Variants in PRKCB observed in about 807,000 individuals in gnomAD.
The protein encoded by PRKCB is protein kinase C beta type.
A neutral mutation model predicts 81.5 loss-of-function variants in PRKCB; 13 were observed. That is an observed-to-expected ratio of 0.16 (90% CI 0.10 to 0.25). PRKCB has a LOEUF of 0.25. PRKCB is among the 10% of genes least tolerant of loss of function. PRKCB has a pLI of 1.00. For synonymous variants in PRKCB, 335 were observed against 321.4 expected (o/e 1.04, Z -0.45); for missense variants, 509 against 875.7 (o/e 0.58, Z 5.29).
chr16:24,085,559 G>A (rs1966301735), intron 5 of PRKCB, among the ~76,000 whole-genome samples: 1 of 152,166 alleles, frequency 6.6e-6, no homozygotes, highest in South Asian at 2.1e-4. Context: ...AGAGTGAGAG[G>A]ACAACAGTTC....
intron 5 of PRKCB, among the ~76,000 whole-genome samples, chr16:24,077,206 C>T (rs751943679): frequency 2.4e-4 from 36 of 151,960 alleles, no homozygotes; most frequent in Non-Finnish European, 3.8e-4. Flanking sequence ...GTCTGTGTGT[C>T]TACGGTGGTG....
At chr16:23,879,196 T>C (rs1251496309) in intron 2 of PRKCB, among the ~76,000 whole-genome samples, 1 of 148,000 alleles carries the variant, frequency 6.8e-6, no homozygotes, top group South Asian at 2.1e-4. Context: ...AAAGAGGCAG[T>C]GTAGTGGTTG....
chr16:23,962,700 A>C (rs950964431), intron 2 of PRKCB, among the ~76,000 whole-genome samples: 1 of 151,754 alleles, frequency 6.6e-6, no homozygotes, highest in Non-Finnish European at 1.5e-5. Context: ...CAGCCTGACA[A>C]TTGAGTCTAG....
intron 16 of PRKCB, among the ~76,000 whole-genome samples, chr16:24,205,907 A>G (rs1177902909): frequency 1.3e-5 from 2 of 152,198 alleles, no homozygotes; most frequent in East Asian, 3.9e-4. Context: ...AACAGGAGGG[A>G]AGAATGAGAA....
At position 24,201,238 on chromosome 16, in the gene PRKCB, A is replaced by C. The variant is rs988378570; in HGVS notation, c.1863+10008A>C. On this transcript the variant is annotated intron_variant, in intron 16 of 16. Transcript: ENST00000643927. ...TTCTCTCTGTATCAACAAAACTCCT[A>C]TGGTTTCAAATAGGAATCTGATTTA... Among the ~76,000 whole-genome samples, 3 of 152,172 alleles carry C rather than the reference A, an allele frequency of 2.0e-5. No individual in the cohort carries two copies. The East Asian group carries it at 5.8e-4, about 29-fold the overall frequency.
At chr16:23,922,701 C>T (rs1963843172) in intron 2 of PRKCB, among the ~76,000 whole-genome samples, 1 of 152,178 alleles carries the variant, frequency 6.6e-6, no homozygotes, top group Non-Finnish European at 1.5e-5. Context: ...AACACATTTT[C>T]AAAAAGAAAA....
chr16:24,094,084 G>A lies in PRKCB; in HGVS notation c.687-79G>A, dbSNP rs1966409646. 5 of 1,481,110 alleles carry A rather than the reference G, an allele frequency of 3.4e-6. No individual in the cohort carries two copies. The South Asian group carries it at 4.0e-5, about 12-fold the overall frequency. 91.7% of individuals were successfully genotyped at this position (1,481,110 alleles called of 1,614,324 possible). ...AATCTTTAAAACTTTCTACCTCCAG[G>A]TCTTGTCCTCTTGTACATTTATTCT... is the stretch of plus-strand genomic sequence containing the variant. On this transcript the variant is annotated intron_variant, in intron 6 of 16. Coordinates refer to ENST00000643927, the MANE Select transcript of PRKCB (RefSeq NM_002738.7).
At chr16:23,981,180 G>A (rs1964696974) in intron 2 of PRKCB, among the ~76,000 whole-genome samples, 1 of 152,120 alleles carries the variant, frequency 6.6e-6, no homozygotes, top group Admixed American at 6.5e-5. Flanking sequence ...CAGCAGGGCT[G>A]CCTTCCTTCT....
chr16:24,033,544 C>A (rs1965575354), intron 4 of PRKCB, among the ~76,000 whole-genome samples: 2 of 151,906 alleles, frequency 1.3e-5, no homozygotes, highest in African/African-American at 4.8e-5. Flanking sequence ...GGTGGATCAC[C>A]TAAGGTCAGG....
At chr16:23,936,445 C>T (rs936082468) in intron 2 of PRKCB, among the ~76,000 whole-genome samples, 24 of 152,094 alleles carry the variant, frequency 1.6e-4, no homozygotes, top group African/African-American at 5.3e-4. Context: ...GACAGGGTCT[C>T]GCTCTCACCC....
At chr16:23,911,416 C>A (rs1963651676) in intron 2 of PRKCB, among the ~76,000 whole-genome samples, 1 of 151,976 alleles carries the variant, frequency 6.6e-6, no homozygotes, top group African/African-American at 2.4e-5. Flanking sequence ...GCATGCGCTA[C>A]CATGCCTGGT....
chr16:24,103,450 T>C (rs567158473), intron 7 of PRKCB, among the ~76,000 whole-genome samples: 1 of 152,352 alleles, frequency 6.6e-6, no homozygotes, highest in East Asian at 1.9e-4. Context: ...TCTTTCAGCA[T>C]AGCTTAGTAT....
At chr16:24,197,699 T>A (rs1967899719) in intron 16 of PRKCB, among the ~76,000 whole-genome samples, 1 of 152,104 alleles carries the variant, frequency 6.6e-6, no homozygotes, top group Non-Finnish European at 1.5e-5. Context: ...CAAAAGGTGA[T>A]AGGAGCTTGG....
chr16:23,906,904 G>A (rs981249362), intron 2 of PRKCB, among the ~76,000 whole-genome samples: 2 of 152,106 alleles, frequency 1.3e-5, no homozygotes, highest in South Asian at 2.1e-4. Flanking sequence ...CTGACTAGAG[G>A]CAAAGATCCT....
At position 24,172,326 on chromosome 16, in the gene PRKCB, C is replaced by T. The variant is rs536103282; in HGVS notation, c.1296C>T (p.Ile432=). The T allele has an allele frequency of 5.6e-6, 9 of 1,614,024 alleles. No individual in the cohort carries two copies. In the South Asian group the frequency reaches 8.8e-5, roughly 16 times the overall value. Residue 432 remains isoleucine, a synonymous_variant, in exon 11 of 17, where the codon ATC becomes ATT. Transcript: ENST00000643927. The part of the protein sequence containing the change: ...YVNGGDLMYH[I]QQVGRFKEPH... ...ATGGGGGCGACCTCATGTATCACAT[C>T]CAGCAAGTCGGCCGGTTCAAGGAGC...
chr16:23,999,367 A>G (rs1219735014), intron 3 of PRKCB, among the ~76,000 whole-genome samples: 2 of 152,190 alleles, frequency 1.3e-5, no homozygotes, highest in African/African-American at 2.4e-5. Flanking sequence ...AGGCAATATT[A>G]TGGATATTAG....
At chr16:23,850,936 T>C (rs1016764093) in intron 2 of PRKCB, among the ~76,000 whole-genome samples, 1 of 152,226 alleles carries the variant, frequency 6.6e-6, no homozygotes, top group Non-Finnish European at 1.5e-5. Context: ...GTAATTTCTG[T>C]TCAGATCCCA....
intron 3 of PRKCB, among the ~76,000 whole-genome samples, chr16:24,025,666 C>G (rs186101297): frequency 6.6e-6 from 1 of 152,282 alleles, no homozygotes; most frequent in Admixed American, 6.5e-5. Context: ...AGCAGAAGCT[C>G]TTTTGTTCAC....
At chr16:24,014,590 T>C (rs1457210927) in intron 3 of PRKCB, among the ~76,000 whole-genome samples, 1 of 152,206 alleles carries the variant, frequency 6.6e-6, no homozygotes, top group African/African-American at 2.4e-5. Flanking sequence ...GTCATATGGA[T>C]ACTACATGCC....
Sources: allele counts gnomAD v4.1 joint callset (sites outside exome capture counted in the v4.1 genomes callset), GRCh38; gene constraint gnomAD v4.1.1; transcripts MANE v1.5; gene names NCBI Gene and HGNC (gene_info 2026-07-23, HGNC 2026-07-21).